AGPAT4: variants seen among roughly 807,000 people sequenced by gnomAD.
AGPAT4 encodes 1-acyl-sn-glycerol-3-phosphate acyltransferase delta.
A neutral mutation model predicts 48.0 loss-of-function variants in AGPAT4; 15 were observed. The observed-to-expected ratio is 0.31, with a 90% CI of 0.21 to 0.48. AGPAT4 has a LOEUF of 0.48. AGPAT4 is among the 20% of genes least tolerant of loss of function. The pLI is 0.99. For synonymous variants in AGPAT4, 178 were observed against 198.7 expected (o/e 0.90, Z 0.88); for missense variants, 314 against 482.5 (o/e 0.65, Z 3.27).
chr6:161,139,730 C>A lies in AGPAT4; in HGVS notation c.844-110G>T, dbSNP rs1283680009. On this transcript the variant is annotated intron_variant, in intron 7 of 8. Coordinates refer to ENST00000320285, the MANE Select transcript of AGPAT4 (RefSeq NM_020133.3). The surrounding 1 kb of genome is among the most constrained non-coding windows in gnomAD (Gnocchi z 9.1). ...CAGAGATACACAGGTGCCACCGGGGCTCGGCAGAACTGGGGTCTGCAGCTC... is the reference window on the plus strand; with the variant it reads ...CAGAGATACACAGGTGCCACCGGGGATCGGCAGAACTGGGGTCTGCAGCTC... The A allele has an allele frequency of 8.7e-6, 8 of 924,156 alleles. No individual in the cohort carries two copies. Among genetic ancestry groups the A allele is most frequent in the Non-Finnish European group, 1.3e-5 (8 of 615,462 alleles). 57.2% of individuals were successfully genotyped at this position (924,156 alleles called of 1,614,324 possible). A position where few individuals can be genotyped will look rare whatever the true frequency, so the allele number is the denominator to read the frequency against.
chr6:161,211,434 A>C (rs1049185295), intron 2 of AGPAT4, among the ~76,000 whole-genome samples: 7 of 152,154 alleles, frequency 4.6e-5, no homozygotes, highest in African/African-American at 1.7e-4. Context: ...GATGTAAAGA[A>C]AGTTATAAAA....
Position 161,134,448 on chromosome 6 carries a change from G to T in AGPAT4, c.*2092C>A, listed in dbSNP as rs1003724608. 2.6e-4 allele frequency: 40 copies of T among 152,158 alleles called. No homozygotes were observed. The highest frequency in any genetic ancestry group is 9.2e-4 in the African/African-American group (38 of 41,428). 9.4% of individuals were successfully genotyped at this position (152,158 alleles called of 1,614,324 possible). On this transcript the variant is annotated 3_prime_UTR_variant, in exon 9 of 9. Transcript: ENST00000320285. ...GACAAGAAAATTTCTGAGCATTTTTGAGAGTAGCAACATAGAGGCAGCTTT... is the reference window on the plus strand; with the variant it reads ...GACAAGAAAATTTCTGAGCATTTTTTAGAGTAGCAACATAGAGGCAGCTTT...
rs1781443810 is a variant in AGPAT4 at position 161,208,644 on chromosome 6, T to C, written c.178+23392A>G. On this transcript the variant is annotated intron_variant, in intron 2 of 8. Coordinates refer to ENST00000320285, the MANE Select transcript of AGPAT4 (RefSeq NM_020133.3). This position sits in a 1 kb window ranked among gnomAD's most constrained non-coding sequence, Gnocchi z 4.6. Reference sequence around the variant, plus strand: ...AAAAAGGTAACTATCATTCATCACTTAGATCTTCAAGATTCACAGCAACAG... The same window carrying C: ...AAAAAGGTAACTATCATTCATCACTCAGATCTTCAAGATTCACAGCAACAG... 6.6e-6 allele frequency among the ~76,000 whole-genome samples: 1 copy of C among 152,164 alleles called. No homozygotes were observed. Among genetic ancestry groups the C allele is most frequent in the Non-Finnish European group, 1.5e-5 (1 of 68,034 alleles).
Position 161,159,449 on chromosome 6 carries a change from A to C in AGPAT4, c.349-5139T>G, listed in dbSNP as rs954995670. On this transcript the variant is annotated intron_variant, in intron 3 of 8. Transcript: ENST00000320285. This position sits in a 1 kb window ranked among gnomAD's most constrained non-coding sequence, Gnocchi z 4.1. ...GTTTCTGTGTTCCACTTCTGCCACT[A>C]AACTCTGCCAGTAAGTTGTTGTACA... Among the ~76,000 whole-genome samples, 4 of 152,216 alleles carry C rather than the reference A, an allele frequency of 2.6e-5. No individual in the cohort carries two copies. Among genetic ancestry groups the C allele is most frequent in the African/African-American group, 9.6e-5 (4 of 41,462 alleles).
intron 1 of AGPAT4, among the ~76,000 whole-genome samples, chr6:161,271,380 C>T (rs1231598655): frequency 1.3e-5 from 2 of 152,214 alleles, no homozygotes; most frequent in Non-Finnish European, 2.9e-5. Context: ...TTGCCTCCCC[C>T]TTCCTTCCAG....
intron 1 of AGPAT4, among the ~76,000 whole-genome samples, chr6:161,269,077 T>C (rs1783349344): frequency 6.6e-6 from 1 of 152,216 alleles, no homozygotes; most frequent in South Asian, 2.1e-4. Context: ...GGTATGTAAT[T>C]GGACGCAGGT....
intron 1 of AGPAT4, among the ~76,000 whole-genome samples, chr6:161,248,418 C>CA (rs36044525): frequency 6.6e-6 from 1 of 151,538 alleles, no homozygotes; most frequent in Non-Finnish European, 1.5e-5. Context: ...ACTAAAAATA[C>CA]AAAAAATTAG....
In AGPAT4 at chr6:161,243,662, G is replaced by A. The variant is rs1017470212; in HGVS notation, c.-89-11360C>T. On this transcript the variant is annotated intron_variant, in intron 1 of 8. Transcript: ENST00000320285. This position sits in a 1 kb window ranked among gnomAD's most constrained non-coding sequence, Gnocchi z 4.8. The stretch of plus-strand genomic sequence containing the variant: ...AGAAACAGCACAACAGCTGCAGGAA[G>A]AACCCTCAGTCGAAGCCCCTGCCTC... Among the ~76,000 whole-genome samples, 3 of 152,194 alleles carry A rather than the reference G, an allele frequency of 2.0e-5. No homozygotes were observed. The highest frequency in any genetic ancestry group is 1.3e-4 in the Admixed American group (2 of 15,280).
chr6:161,241,263 C>CAAAAAAA (rs61634719), intron 1 of AGPAT4, among the ~76,000 whole-genome samples: 1 of 90,502 alleles, frequency 1.1e-5, no homozygotes. Flanking sequence ...AACTCTGTCT[C>CAAAAAAA]AAAAAAAAAA....
rs951633561 is a variant in AGPAT4 at position 161,202,654 on chromosome 6, A to G, written c.178+29382T>C. 1.3e-5 allele frequency among the ~76,000 whole-genome samples: 2 copies of G among 152,196 alleles called. No homozygotes were observed. The highest frequency in any genetic ancestry group is 2.9e-5 in the Non-Finnish European group (2 of 68,030). On this transcript the variant is annotated intron_variant, in intron 2 of 8. Transcript: ENST00000320285. This position sits in a 1 kb window ranked among gnomAD's most constrained non-coding sequence, Gnocchi z 5.4. ...TGTATATCCCGCAGGCTCTTCTAGA[A>G]TGTAAGTCATTCCCCCATCGAGAGG...
In AGPAT4 at chr6:161,206,138, A is replaced by G. The variant is rs1781373268; in HGVS notation, c.178+25898T>C. 6.6e-6 allele frequency among the ~76,000 whole-genome samples: 1 copy of G among 152,140 alleles called. No individual in the cohort carries two copies. The highest frequency in any genetic ancestry group is 1.5e-5 in the Non-Finnish European group (1 of 68,008). On this transcript the variant is annotated intron_variant, in intron 2 of 8. Coordinates refer to ENST00000320285, the MANE Select transcript of AGPAT4 (RefSeq NM_020133.3). The surrounding 1 kb of genome is among the most constrained non-coding windows in gnomAD (Gnocchi z 4.8). ...AGGATCAGGGAAGTGGCAGCCTAGC[A>G]AGACCGAAAACCTCTAGACAGTAAC...
intron 1 of AGPAT4, among the ~76,000 whole-genome samples, chr6:161,252,964 C>G (rs1782843584): frequency 6.6e-6 from 1 of 151,928 alleles, no homozygotes; most frequent in South Asian, 2.1e-4. Flanking sequence ...GTCTGTAATC[C>G]CAGCACTTTG....
rs186571499 is a variant in AGPAT4 at position 161,131,565 on chromosome 6, C to G, written c.*4975G>C. The G allele has an allele frequency of 6.6e-6, 1 of 152,416 alleles. No homozygotes were observed. Among genetic ancestry groups the G allele is most frequent in the African/African-American group, 2.4e-5 (1 of 41,546 alleles). The allele number at this position is 152,416 out of a possible 1,614,324, so 9.4% of individuals were successfully genotyped here. A position where few individuals can be genotyped will look rare whatever the true frequency, so the allele number is the denominator to read the frequency against. ...TCATGTAGTCACTATTCACTGAGGG[C>G]CATGAGGGTGAGGCCCTGCTGGGGG... On this transcript the variant is annotated 3_prime_UTR_variant, in exon 9 of 9. Transcript: ENST00000320285.
chr6:161,253,441 A>G (rs1782860047), intron 1 of AGPAT4, among the ~76,000 whole-genome samples: 1 of 151,136 alleles, frequency 6.6e-6, no homozygotes, highest in Non-Finnish European at 1.5e-5. Context: ...TTTTTAGTAG[A>G]GACGGGGTTT....
In AGPAT4 at chr6:161,219,824, G is replaced by GATAGAT. The variant is rs1562343446; in HGVS notation, c.178+12211_178+12212insATCTAT. ...AGATTCACAGTAAAAAAGATAGACAGAGATAGATAGATAGATAGATAGATA... is the reference window on the plus strand; with the variant it reads ...AGATTCACAGTAAAAAAGATAGACAGATAGATAGATAGATAGATAGATAGATAGATA... On this transcript the variant is annotated intron_variant, in intron 2 of 8. Coordinates refer to ENST00000320285, the MANE Select transcript of AGPAT4 (RefSeq NM_020133.3). This position sits in a 1 kb window ranked among gnomAD's most constrained non-coding sequence, Gnocchi z 4.9. Among the ~76,000 whole-genome samples, 121 of 89,480 alleles carry GATAGAT rather than the reference G, an allele frequency of 1.4e-3. 1 individual carries two copies. The highest frequency in any genetic ancestry group is 2.3e-3 in the South Asian group (5 of 2,214). The allele number at this position is 89,480 out of a possible 152,430, so 58.7% of individuals were successfully genotyped here. A position where few individuals can be genotyped will look rare whatever the true frequency, so the allele number is the denominator to read the frequency against.
rs534322564 is a variant in AGPAT4 at position 161,239,288 on chromosome 6, G to A, written c.-89-6986C>T. On this transcript the variant is annotated intron_variant, in intron 1 of 8. Coordinates refer to ENST00000320285, the MANE Select transcript of AGPAT4 (RefSeq NM_020133.3). Reference sequence around the variant, plus strand: ...ATTTCCCCATGAAAGAATCCAAACCGCATCCTTCTCTATACAGAGAGCTGT... The same window carrying A: ...ATTTCCCCATGAAAGAATCCAAACCACATCCTTCTCTATACAGAGAGCTGT... 9.2e-5 allele frequency among the ~76,000 whole-genome samples: 14 copies of A among 152,244 alleles called. No homozygotes were observed. The South Asian group carries it at 1.4e-3, about 16-fold the overall frequency.
rs924425422 is a variant in AGPAT4 at position 161,130,666 on chromosome 6, C to T, written c.*5874G>A. The stretch of plus-strand genomic sequence containing the variant: ...GCAAAAGAGGGGCTGATCCATCTCC[C>T]GTGAACATCTGTTGACTGTGGGCGG... On this transcript the variant is annotated 3_prime_UTR_variant, in exon 9 of 9. Coordinates refer to ENST00000320285, the MANE Select transcript of AGPAT4 (RefSeq NM_020133.3). The T allele has an allele frequency of 3.1e-5, 9 of 294,152 alleles. No individual in the cohort carries two copies. The highest frequency in any genetic ancestry group is 1.1e-4 in the African/African-American group (5 of 46,136). 18.2% of individuals were successfully genotyped at this position (294,152 alleles called of 1,614,324 possible).
At position 161,204,846 on chromosome 6, in the gene AGPAT4, A is replaced by T. The variant is rs1240875199; in HGVS notation, c.178+27190T>A. ...CCTTTTCTCCATTGTGCTACTTTGT[A>T]ATGATTATAGAGTCAGCTATAAGAA... On this transcript the variant is annotated intron_variant, in intron 2 of 8. Transcript: ENST00000320285. This position sits in a 1 kb window ranked among gnomAD's most constrained non-coding sequence, Gnocchi z 4.4. Among the ~76,000 whole-genome samples the T allele has an allele frequency of 6.6e-6, 1 of 152,200 alleles. No homozygotes were observed. Among genetic ancestry groups the T allele is most frequent in the Non-Finnish European group, 1.5e-5 (1 of 68,046 alleles).
chr6:161,141,207 C>T lies in AGPAT4; in HGVS notation c.844-1587G>A, dbSNP rs1359805027. On this transcript the variant is annotated intron_variant, in intron 7 of 8. Coordinates refer to ENST00000320285, the MANE Select transcript of AGPAT4 (RefSeq NM_020133.3). This position sits in a 1 kb window ranked among gnomAD's most constrained non-coding sequence, Gnocchi z 6.7. ...AGTTCAGGTGCCTCTGCTCTGTCCT[C>T]GGCCCCCTGCAGCCCATTAACAAGC... 1.3e-5 allele frequency among the ~76,000 whole-genome samples: 2 copies of T among 152,068 alleles called. No homozygotes were observed. The highest frequency in any genetic ancestry group is 4.8e-5 in the African/African-American group (2 of 41,390).
Sources: allele counts gnomAD v4.1 joint callset (sites outside exome capture counted in the v4.1 genomes callset), GRCh38; gene constraint gnomAD v4.1.1; non-coding constraint Gnocchi (gnomAD v3.1); transcripts MANE v1.5; gene names NCBI Gene and HGNC (gene_info 2026-07-23, HGNC 2026-07-21).